The following GTF2H3 variants were observed in gnomAD, a reference collection of about 807,000 sequenced individuals.
GTF2H3 encodes the protein TFIIH basal transcription factor complex p34 subunit.
In GTF2H3, 42 loss-of-function variants were observed where a neutral mutation model predicts 51.1. The ratio of observed to expected loss-of-function variants is 0.82; its 90% confidence interval spans 0.64 to 1.06. GTF2H3 has a LOEUF of 1.06. GTF2H3 is among the 50% of genes least tolerant of loss of function. The pLI, the probability that GTF2H3 is intolerant of heterozygous loss-of-function variation, is 0.00. For synonymous variants in GTF2H3, 123 were observed against 123.8 expected (o/e 0.99, Z 0.04); for missense variants, 326 against 366.1 (o/e 0.89, Z 0.89).
chr12:123,635,612 T>C (rs577866724), intron 1 of GTF2H3, among the ~76,000 whole-genome samples: 1 of 149,640 alleles, frequency 6.7e-6, no homozygotes, highest in Admixed American at 6.7e-5. Flanking sequence ...AAGGTCTCAC[T>C]GTTTTGCCCA....
chr12:123,647,332 C>T (rs1004730509), intron 3 of GTF2H3, among the ~76,000 whole-genome samples: 2 of 151,576 alleles, frequency 1.3e-5, no homozygotes, highest in African/African-American at 2.4e-5. Context: ...ATTAGCTGGA[C>T]GTGGTGGTAC....
intron 2 of GTF2H3, among the ~76,000 whole-genome samples, chr12:123,642,085 C>T (rs1955383465): frequency 6.6e-6 from 1 of 151,946 alleles, no homozygotes. Context: ...AATTCCTGAC[C>T]TCAAGTGATC....
At chr12:123,656,013 G>A (rs1362136910) in intron 9 of GTF2H3, 189 bp downstream of exon 9, 3 of 455,056 alleles carry the variant, frequency 6.6e-6, no homozygotes, top group Admixed American at 3.6e-5. Flanking sequence ...TATTGCTTGC[G>A]TTATATTTCC....
chr12:123,633,906 G>C (rs1248285347), intron 1 of GTF2H3, 34 bp downstream of exon 1: 4 of 1,611,138 alleles, frequency 2.5e-6, no homozygotes, highest in Non-Finnish European at 2.5e-6. Context: ...TTCGACTCCG[G>C]GGCTCGGCTG....
chr12:123,645,307 C>T, intron 2 of GTF2H3, 148 bp from the exon 3 acceptor site: 1 of 591,532 alleles, frequency 1.7e-6, no homozygotes. Context: ...TGAACTCAAG[C>T]AGTCCTCCCA....
At position 123,648,144 on chromosome 12, in the gene GTF2H3, T is replaced by C. The variant is rs764319360; in HGVS notation, c.364+18T>C. On this transcript the variant is annotated intron_variant, in intron 4 of 12. Coordinates refer to ENST00000543341, the MANE Select transcript of GTF2H3 (RefSeq NM_001516.5). ...GACCAAAAGTAACAACTTTTAAACA[T>C]TGTTATTTTGCAAATAGTGTTGATT... is the stretch of plus-strand genomic sequence containing the variant. The C allele has an allele frequency of 1.9e-6, 3 of 1,542,818 alleles. No homozygotes were observed. Among genetic ancestry groups the C allele is most frequent in the African/African-American group, 2.7e-5 (2 of 72,842 alleles).
intron 2 of GTF2H3, among the ~76,000 whole-genome samples, chr12:123,640,702 G>T (rs1955358277): frequency 6.6e-6 from 1 of 152,114 alleles, no homozygotes; most frequent in East Asian, 1.9e-4. Flanking sequence ...AATAAAATCA[G>T]AAGAATAACA....
In GTF2H3 at chr12:123,660,271, A is replaced by G. The variant is rs1191783465; in HGVS notation, c.*36A>G. Reference sequence around the variant, plus strand: ...TTTTCCCCATCTTTTAGAGCTGTTAATAGAAATTATATAGCAGATTCTTTG... The same window carrying G: ...TTTTCCCCATCTTTTAGAGCTGTTAGTAGAAATTATATAGCAGATTCTTTG... On this transcript the variant is annotated 3_prime_UTR_variant, in exon 13 of 13. Transcript: ENST00000543341. The G allele has an allele frequency of 1.4e-6, 2 of 1,429,248 alleles. No individual in the cohort carries two copies. Among genetic ancestry groups the G allele is most frequent in the East Asian group, 2.3e-5 (1 of 43,776 alleles). The allele number at this position is 1,429,248 out of a possible 1,614,324, so 88.5% of individuals were successfully genotyped here.
In GTF2H3 at chr12:123,644,913, T is replaced by G. The variant is rs11572951; in HGVS notation, c.94-542T>G. 5.9e-3 allele frequency among the ~76,000 whole-genome samples: 906 copies of G among 152,334 alleles called. 5 individuals carry two copies. The highest frequency in any genetic ancestry group is 7.6e-3 in the Admixed American group (116 of 15,298). On this transcript the variant is annotated intron_variant, in intron 2 of 12. Transcript: ENST00000543341. ...GTTTGTTATTCTTTAAATGTTACAC[T>G]GCAAATATTTGTGGAATATTGTACT...
At chr12:123,652,153 TGGA>T (rs1178065428) in intron 5 of GTF2H3, among the ~76,000 whole-genome samples, 2 of 152,190 alleles carry the variant, frequency 1.3e-5, no homozygotes, top group Non-Finnish European at 2.9e-5. Context: ...ATTAATTTTT[TGGA>T]GGAGGGGCAG....
rs148944547 is a variant in GTF2H3, at chr12:123,654,483, T to G, written c.487-441T>G. Among the ~76,000 whole-genome samples the G allele has an allele frequency of 1.6e-3, 236 of 151,594 alleles. 1 individual carries two copies. Among genetic ancestry groups the G allele is most frequent in the African/African-American group, 5.4e-3 (223 of 41,312 alleles). On this transcript the variant is annotated intron_variant, in intron 7 of 12. Coordinates refer to ENST00000543341, the MANE Select transcript of GTF2H3 (RefSeq NM_001516.5). ...TGTGTGTGTTTTGGGTGTATGTGTA[T>G]TTGGGGTGTGTGTATTTGGGGTATG...
At chr12:123,637,053 C>T (rs1476918156) in intron 1 of GTF2H3, among the ~76,000 whole-genome samples, 1 of 152,124 alleles carries the variant, frequency 6.6e-6, no homozygotes, top group Non-Finnish European at 1.5e-5. Flanking sequence ...GCACTGTACT[C>T]CAACCTTGAG....
rs137968272 is a variant in GTF2H3, at chr12:123,660,954, T to A, written c.*719T>A. ...AACTTACTGGAGAAAATGGACTCTA[T>A]GTTAAGTATGGTTTTCAGATAGAAT... is the stretch of plus-strand genomic sequence containing the variant. On this transcript the variant is annotated 3_prime_UTR_variant, in exon 13 of 13. Coordinates refer to ENST00000543341, the MANE Select transcript of GTF2H3 (RefSeq NM_001516.5). The A allele has an allele frequency of 7.2e-5, 11 of 152,232 alleles. No homozygotes were observed. In the East Asian group the frequency reaches 1.9e-3, roughly 27 times the overall value. The allele number at this position is 152,232 out of a possible 1,614,324, so 9.4% of individuals were successfully genotyped here. A position where few individuals can be genotyped will look rare whatever the true frequency, so the allele number is the denominator to read the frequency against.
chr12:123,648,895 C>G (rs1171379551), intron 4 of GTF2H3, among the ~76,000 whole-genome samples: 1 of 152,196 alleles, frequency 6.6e-6, no homozygotes, highest in East Asian at 1.9e-4. Flanking sequence ...CTCAAGCTAT[C>G]CTCCTGCTTC....
intron 2 of GTF2H3, 137 bp from the exon 3 acceptor site, chr12:123,645,318 C>T (rs774175540): frequency 7.7e-5 from 47 of 608,530 alleles, no homozygotes; most frequent in Non-Finnish European, 1.2e-4. Context: ...AGTCCTCCCA[C>T]CTTGGCCTCT....
At chr12:123,641,274 C>T (rs1484238817) in intron 2 of GTF2H3, among the ~76,000 whole-genome samples, 1 of 149,916 alleles carries the variant, frequency 6.7e-6, no homozygotes, top group Non-Finnish European at 1.5e-5. Context: ...TCACCCAGGT[C>T]GGAGTGCAGT....
chr12:123,642,943 C>T (rs1413797717), intron 2 of GTF2H3, among the ~76,000 whole-genome samples: 4 of 152,106 alleles, frequency 2.6e-5, no homozygotes, highest in South Asian at 2.1e-4. Flanking sequence ...GGTGCAATCT[C>T]GGCTTACCGC....
At chr12:123,642,869 A>G (rs1351720876) in intron 2 of GTF2H3, among the ~76,000 whole-genome samples, 4 of 152,066 alleles carry the variant, frequency 2.6e-5, no homozygotes, top group Admixed American at 2.6e-4. Flanking sequence ...TTTCAGCTGA[A>G]ACCATACTCT....
intron 1 of GTF2H3, among the ~76,000 whole-genome samples, chr12:123,635,456 C>G (rs1955266883): frequency 6.6e-6 from 1 of 151,894 alleles, no homozygotes; most frequent in East Asian, 1.9e-4. Flanking sequence ...ACCTATAATC[C>G]CAGCTACTCA....
Sources: allele counts gnomAD v4.1 joint callset (sites outside exome capture counted in the v4.1 genomes callset), GRCh38; gene constraint gnomAD v4.1.1; transcripts MANE v1.5; gene names NCBI Gene and HGNC (gene_info 2026-07-23, HGNC 2026-07-21).